Variants in DPP10 observed in about 807,000 individuals in gnomAD.
DPP10 encodes the protein dipeptidyl peptidase like 10, also known as inactive dipeptidyl peptidase 10.
In DPP10, 33 loss-of-function variants were observed where a neutral mutation model predicts 120.9. That is an observed-to-expected ratio of 0.27 (90% confidence interval 0.21 to 0.37). DPP10 has a LOEUF of 0.37. DPP10 is among the 10% of genes least tolerant of loss of function. The probability of loss-of-function intolerance (pLI) is 1.00; values close to 1 mark genes in which losing one functional copy is unlikely to be tolerated. For synonymous variants in DPP10, 337 were observed against 326.1 expected (o/e 1.03, Z -0.36); for missense variants, 816 against 942.8 (o/e 0.87, Z 1.76).
intron 5 of DPP10, among the ~76,000 whole-genome samples, chr2:115,675,433 T>C (rs2090180192): frequency 1.1e-5 from 1 of 90,250 alleles, no homozygotes; most frequent in Admixed American, 1.4e-4. Flanking sequence ...AGAAGAACCA[T>C]AACAGCAAAC....
chr2:115,291,063 G>C (rs1002211946), intron 1 of DPP10, among the ~76,000 whole-genome samples: 1 of 152,052 alleles, frequency 6.6e-6, no homozygotes, highest in East Asian at 1.9e-4. Context: ...GAGTGCAATA[G>C]TGTGATCACA....
chr2:114,490,587 T>A (rs188616931), intron 1 of DPP10, among the ~76,000 whole-genome samples: 1 of 151,440 alleles, frequency 6.6e-6, no homozygotes, highest in Admixed American at 6.6e-5. Flanking sequence ...GAGAAAGACT[T>A]TGTGGAGGAG....
intron 1 of DPP10, among the ~76,000 whole-genome samples, chr2:114,692,130 G>A (rs568880451): frequency 9.2e-4 from 140 of 151,828 alleles, no homozygotes; most frequent in African/African-American, 3.1e-3. Context: ...TCCAGCTGTG[G>A]GGTTTGTTTG....
intron 1 of DPP10, among the ~76,000 whole-genome samples, chr2:115,281,317 T>G (rs1394435373): frequency 6.6e-6 from 1 of 152,194 alleles, no homozygotes; most frequent in Non-Finnish European, 1.5e-5. Flanking sequence ...TTATTCTCCC[T>G]GTGCACCCAC....
At chr2:115,384,241 GC>G (rs988089753) in intron 3 of DPP10, among the ~76,000 whole-genome samples, 1 of 152,080 alleles carries the variant, frequency 6.6e-6, no homozygotes, top group Non-Finnish European at 1.5e-5. Context: ...AGGCAGGTTG[GC>G]TCACACCTGT....
intron 2 of DPP10, among the ~76,000 whole-genome samples, chr2:115,334,230 GT>G: frequency 0.055 from 3,129 of 56,442 alleles, 493 homozygotes; most frequent in African/African-American, 0.14. Flanking sequence ...AGCAGACTCT[GT>G]TTTTTTTTTT....
chr2:114,516,019 T>C (rs1290248892), intron 1 of DPP10, among the ~76,000 whole-genome samples: 1 of 152,206 alleles, frequency 6.6e-6, no homozygotes, highest in African/African-American at 2.4e-5. Flanking sequence ...ATTAGAATCA[T>C]GCAGAGGGTT....
chr2:115,486,914 T>A (rs1201704086), intron 3 of DPP10, among the ~76,000 whole-genome samples: 3 of 152,146 alleles, frequency 2.0e-5, no homozygotes, highest in Non-Finnish European at 4.4e-5. Context: ...TCACAGGAAG[T>A]ACCATTCATA....
intron 5 of DPP10, among the ~76,000 whole-genome samples, chr2:115,630,806 A>C (rs1449034831): frequency 6.6e-6 from 1 of 152,096 alleles, no homozygotes; most frequent in Non-Finnish European, 1.5e-5. Context: ...CCAGTTTGCC[A>C]GTATTTTGTT....
intron 1 of DPP10, among the ~76,000 whole-genome samples, chr2:115,232,413 A>G (rs982521901): frequency 6.6e-6 from 1 of 152,170 alleles, no homozygotes; most frequent in Non-Finnish European, 1.5e-5. Flanking sequence ...GGGGATGATA[A>G]TATGATAGGC....
chr2:114,831,287 A>G (rs1312907864), intron 1 of DPP10, among the ~76,000 whole-genome samples: 1 of 152,174 alleles, frequency 6.6e-6, no homozygotes, highest in African/African-American at 2.4e-5. Flanking sequence ...TTTGTGTCCC[A>G]TATTTCACCA....
intron 1 of DPP10, among the ~76,000 whole-genome samples, chr2:114,917,259 C>A (rs956684077): frequency 6.6e-6 from 1 of 152,058 alleles, no homozygotes; most frequent in Non-Finnish European, 1.5e-5. Flanking sequence ...ACACAGCTAA[C>A]CAAGGAAGGG....
At chr2:114,817,303 CAAA>C (rs11347067) in intron 1 of DPP10, among the ~76,000 whole-genome samples, 3 of 136,116 alleles carry the variant, frequency 2.2e-5, no homozygotes, top group Admixed American at 7.3e-5. Flanking sequence ...GTGTCCTGGC[CAAA>C]AAAAAAAAAA....
chr2:115,213,339 A>G (rs1236107783), intron 1 of DPP10, among the ~76,000 whole-genome samples: 3 of 152,164 alleles, frequency 2.0e-5, no homozygotes, highest in Non-Finnish European at 2.9e-5. Context: ...TTAGAGAACC[A>G]TTTTGCAAAT....
At chr2:115,383,386 G>T (rs1213569078) in intron 3 of DPP10, among the ~76,000 whole-genome samples, 1 of 152,184 alleles carries the variant, frequency 6.6e-6, no homozygotes, top group African/African-American at 2.4e-5. Context: ...TGCCATGATT[G>T]TGAGTCCTCC....
intron 5 of DPP10, among the ~76,000 whole-genome samples, chr2:115,648,623 A>T (rs2087484719): frequency 6.6e-6 from 1 of 152,076 alleles, no homozygotes; most frequent in South Asian, 2.1e-4. Context: ...AAAAAAAAAA[A>T]AAAGAAACAT....
intron 1 of DPP10, among the ~76,000 whole-genome samples, chr2:115,186,488 G>C (rs1395268366): frequency 6.6e-6 from 1 of 152,152 alleles, no homozygotes; most frequent in South Asian, 2.1e-4. Flanking sequence ...GCTTTGCTTA[G>C]CTTATCCTTG....
At chr2:115,207,808 C>T (rs981490100) in intron 1 of DPP10, among the ~76,000 whole-genome samples, 7 of 151,144 alleles carry the variant, frequency 4.6e-5, no homozygotes, top group East Asian at 1.9e-4. Flanking sequence ...CAGGGTTATG[C>T]GAAGATCAGA....
intron 5 of DPP10, among the ~76,000 whole-genome samples, chr2:115,540,917 G>T (rs1160544683): frequency 6.6e-6 from 1 of 151,610 alleles, no homozygotes; most frequent in Non-Finnish European, 1.5e-5. Context: ...CATTTTCTTT[G>T]TTTGCAGATT....
Sources: allele counts gnomAD v4.1 joint callset (sites outside exome capture counted in the v4.1 genomes callset), GRCh38; gene constraint gnomAD v4.1.1; transcripts MANE v1.5; gene names NCBI Gene and HGNC (gene_info 2026-07-23, HGNC 2026-07-21).